Variants in PIAS1 observed in about 807,000 individuals in gnomAD.
The protein encoded by PIAS1 is E3 SUMO-protein ligase PIAS1.
Under a neutral mutation model 71.3 loss-of-function variants are expected in PIAS1, and 6 were observed. The observed-to-expected ratio is 0.08, with a 90% CI of 0.05 to 0.17. The LOEUF (loss-of-function observed/expected upper bound fraction) is 0.17, where lower values mean the gene tolerates loss of function less well. Ranked by LOEUF, PIAS1 falls within the 10% of genes least tolerant of loss-of-function variation. The pLI is 1.00. For synonymous variants in PIAS1, 303 were observed against 292.9 expected, an observed-to-expected ratio of 1.03 and a Z score of -0.35; for missense variants, 555 against 793.6, an observed-to-expected ratio of 0.70 and a Z score of 3.61.
At chr15:68,084,376 G>A (rs182238432) in intron 1 of PIAS1, among the ~76,000 whole-genome samples, 121 of 152,166 alleles carry the variant, frequency 8.0e-4, no homozygotes, top group African/African-American at 2.8e-3. Context: ...TCAGTTTGAA[G>A]TCCCTGTTCC....
At chr15:68,058,583 A>C (rs1170688637) in intron 1 of PIAS1, among the ~76,000 whole-genome samples, 1 of 152,204 alleles carries the variant, frequency 6.6e-6, no homozygotes, top group Admixed American at 6.5e-5. Flanking sequence ...GTTGTTGCTG[A>C]TACTTTCCCT....
intron 1 of PIAS1, among the ~76,000 whole-genome samples, chr15:68,074,672 A>G (rs985752896): frequency 1.6e-4 from 24 of 152,192 alleles, no homozygotes; most frequent in Admixed American, 2.6e-4. Flanking sequence ...TTATAAAACC[A>G]TAACCACAGA....
chr15:68,113,753 C>G (rs1194001091), intron 2 of PIAS1, among the ~76,000 whole-genome samples: 1 of 151,912 alleles, frequency 6.6e-6, no homozygotes, highest in Admixed American at 6.6e-5. Context: ...TAAGGATGGG[C>G]TTATTAGGAA....
At chr15:68,169,857 G>A (rs1195856858) in intron 8 of PIAS1, among the ~76,000 whole-genome samples, 1 of 152,148 alleles carries the variant, frequency 6.6e-6, no homozygotes, top group Non-Finnish European at 1.5e-5. Context: ...ATCATATTGT[G>A]TAGATCCCAT....
At position 68,081,040 on chromosome 15, in the gene PIAS1, A is replaced by G. The variant is rs79372691; in HGVS notation, c.25-5266A>G. 9.3e-3 allele frequency among the ~76,000 whole-genome samples: 1,420 copies of G among 152,344 alleles called. 7 individuals are homozygous for G. Among genetic ancestry groups the G allele is most frequent in the Non-Finnish European group, 0.015 (1,029 of 68,028 alleles). On this transcript the variant is annotated intron_variant, in intron 1 of 13. Transcript: ENST00000249636. ...AACTGGCACTTTCTGTTTAGTTGCA[A>G]AAGCCTGTTTGCTTGTTGACGTTGT...
rs1469951257 is a variant in PIAS1, at chr15:68,173,397, T to C, written c.1009-335T>C. On this transcript the variant is annotated intron_variant, in intron 8 of 13. Coordinates refer to ENST00000249636, the MANE Select transcript of PIAS1 (RefSeq NM_016166.3). This position sits in a 1 kb window ranked among gnomAD's most constrained non-coding sequence, Gnocchi z 4.3. ...AAAAAAAAAACTGGTGAAAGCACTC[T>C]CTCCAGAAAAATGCACACACGAAAT... Among the ~76,000 whole-genome samples, 1 of 152,028 alleles carries C rather than the reference T, an allele frequency of 6.6e-6. No homozygotes were observed. The highest frequency in any genetic ancestry group is 1.5e-5 in the Non-Finnish European group (1 of 68,008).
At chr15:68,143,987 C>T (rs1051783910) in intron 4 of PIAS1, among the ~76,000 whole-genome samples, 1 of 151,982 alleles carries the variant, frequency 6.6e-6, no homozygotes, top group African/African-American at 2.4e-5. Context: ...AATATACATA[C>T]ATTCTTTAAA....
intron 2 of PIAS1, among the ~76,000 whole-genome samples, chr15:68,100,863 G>A (rs944871564): frequency 4.6e-5 from 7 of 150,792 alleles, no homozygotes; most frequent in African/African-American, 1.5e-4. Context: ...TAGGAGTATA[G>A]TGATATCTCA....
chr15:68,094,173 C>A (rs919508586), intron 2 of PIAS1, among the ~76,000 whole-genome samples: 1 of 151,332 alleles, frequency 6.6e-6, no homozygotes, highest in Non-Finnish European at 1.5e-5. Context: ...TTTAAAGGTA[C>A]AGTTGTTCTT....
At position 68,174,189 on chromosome 15, in the gene PIAS1, T is replaced by C. The variant is rs2093008160; in HGVS notation, c.1169+297T>C. ...GTGCTTATACCTTTTCCTTTTCCTG[T>C]CATTAGTCCATCCATCCCTAGATAT... On this transcript the variant is annotated intron_variant, in intron 9 of 13. Coordinates refer to ENST00000249636, the MANE Select transcript of PIAS1 (RefSeq NM_016166.3). This position sits in a 1 kb window ranked among gnomAD's most constrained non-coding sequence, Gnocchi z 4.0. Among the ~76,000 whole-genome samples the C allele has an allele frequency of 6.6e-6, 1 of 152,212 alleles. No individual in the cohort carries two copies. The highest frequency in any genetic ancestry group is 1.5e-5 in the Non-Finnish European group (1 of 68,036).
chr15:68,090,570 C>T (rs1041463499), intron 2 of PIAS1, among the ~76,000 whole-genome samples: 2 of 152,044 alleles, frequency 1.3e-5, no homozygotes, highest in East Asian at 3.9e-4. Flanking sequence ...AGCTCTCCAA[C>T]TCGTTTTAAT....
At chr15:68,146,212 T>G (rs907708564) in intron 5 of PIAS1, among the ~76,000 whole-genome samples, 5 of 152,106 alleles carry the variant, frequency 3.3e-5, no homozygotes. Context: ...AGAATGGAGA[T>G]TTGAAGAATG....
chr15:68,105,234 T>C (rs1165297322), intron 2 of PIAS1, among the ~76,000 whole-genome samples: 2 of 152,216 alleles, frequency 1.3e-5, no homozygotes, highest in African/African-American at 4.8e-5. Flanking sequence ...TACCAGATAA[T>C]CTTAATACTC....
At chr15:68,151,707 C>CACACACAGAA (rs140053964) in intron 6 of PIAS1, among the ~76,000 whole-genome samples, 1 of 134,408 alleles carries the variant, frequency 7.4e-6, no homozygotes, top group Non-Finnish European at 1.6e-5. Flanking sequence ...CACACACACA[C>CACACACAGAA]AAATTAGCTA....
intron 1 of PIAS1, among the ~76,000 whole-genome samples, chr15:68,080,366 A>G (rs919219789): frequency 2.6e-5 from 4 of 152,244 alleles, no homozygotes; most frequent in Admixed American, 2.6e-4. Context: ...TGCAGTCAAT[A>G]AGATGGACCT....
intron 1 of PIAS1, among the ~76,000 whole-genome samples, chr15:68,065,915 C>CTTTTTTTTTTTTTTTTTTTTTTTTTTTTT (rs869104577): frequency 5.0e-5 from 2 of 40,160 alleles, no homozygotes; most frequent in African/African-American, 2.7e-4. Flanking sequence ...TGACTAAAAG[C>CTTTTTTTTTTTTTTTTTTTTTTTTTTTTT]TTTTTTTTTT....
intron 6 of PIAS1, among the ~76,000 whole-genome samples, chr15:68,152,703 T>C (rs1375968731): frequency 1.3e-5 from 2 of 152,156 alleles, no homozygotes; most frequent in Non-Finnish European, 2.9e-5. Flanking sequence ...GCAGCAATTA[T>C]TTTTCCTTTT....
rs3083984 is a variant in PIAS1, at chr15:68,177,278, C to CAAAAAAA, written c.1481+637_1481+643dup. 5.3e-3 allele frequency among the ~76,000 whole-genome samples: 481 copies of CAAAAAAA among 90,820 alleles called. 16 individuals are homozygous for CAAAAAAA. The highest frequency in any genetic ancestry group is 0.011 in the South Asian group (24 of 2,110). The allele number at this position is 90,820 out of a possible 152,430, so 59.6% of individuals were successfully genotyped here. A position where few individuals can be genotyped will look rare whatever the true frequency, so the allele number is the denominator to read the frequency against. ...TGGGCAACAGAGCGAGACTTTGTCT[C>CAAAAAAA]AAAAAAAAAAAAAAAAAAAGAAAGA... On this transcript the variant is annotated intron_variant, in intron 11 of 13. Coordinates refer to ENST00000249636, the MANE Select transcript of PIAS1 (RefSeq NM_016166.3).
chr15:68,103,649 G>A lies in PIAS1; in HGVS notation c.469+16899G>A, dbSNP rs150321300. Among the ~76,000 whole-genome samples the A allele has an allele frequency of 2.2e-3, 327 of 151,948 alleles. 5 individuals are homozygous for A. The highest frequency in any genetic ancestry group is 0.017 in the East Asian group (86 of 5,176). On this transcript the variant is annotated intron_variant, in intron 2 of 13. Transcript: ENST00000249636. ...TCCCATCCCCTGAAACTACTAATAC[G>A]GCATCTGTCTTTATAGATTTTCCTG...
Sources: gnomAD v4.1 joint callset for allele counts (sites outside exome capture counted in the v4.1 genomes callset) on GRCh38, gnomAD v4.1.1 for gene constraint, Gnocchi (gnomAD v3.1) non-coding constraint, MANE v1.5 for transcripts, NCBI Gene and HGNC (gene_info 2026-07-23, HGNC 2026-07-21) for gene names.